PLPP3: variants seen among roughly 807,000 people sequenced by gnomAD.
The protein encoded by PLPP3 is PAP2 beta.
In PLPP3, 6 loss-of-function variants were observed where a neutral mutation model predicts 29.6. The observed-to-expected ratio is 0.20, with a 90% CI of 0.11 to 0.40. The LOEUF (loss-of-function observed/expected upper bound fraction) is 0.40, where lower values mean the gene tolerates loss of function less well. Among genes scored for constraint, PLPP3 ranks in the 10% least tolerant of loss-of-function variants. The probability of loss-of-function intolerance (pLI) is 1.00; values close to 1 mark genes in which losing one functional copy is unlikely to be tolerated. For missense variants in PLPP3, 308 were observed against 407.7 expected (o/e 0.76, Z 2.11); for synonymous variants, 152 against 159.7 (o/e 0.95, Z 0.36).
chr1:56,551,656 G>A (rs1646040551), intron 1 of PLPP3, among the ~76,000 whole-genome samples: 1 of 152,292 alleles, frequency 6.6e-6, no homozygotes, highest in East Asian at 1.9e-4. Flanking sequence ...AACGGCATAC[G>A]TGAGCTCCTA....
chr1:56,516,766 C>T (rs892555489), intron 4 of PLPP3: 4 of 140,228 alleles, frequency 2.9e-5, no homozygotes, highest in Admixed American at 7.3e-5. Context: ...ATTAAGATTT[C>T]GCTTTCCGTT....
Position 56,524,800 on chromosome 1 carries a change from ATGTGTATG to A in PLPP3, c.298-254_298-247del, listed in dbSNP as rs1291393529. 7.5e-6 allele frequency among the ~76,000 whole-genome samples: 1 copy of A among 132,454 alleles called. No homozygotes were observed. The highest frequency in any genetic ancestry group is 1.6e-5 in the Non-Finnish European group (1 of 61,312). 86.9% of individuals were successfully genotyped at this position (132,454 alleles called of 152,430 possible). On this transcript the variant is annotated intron_variant, in intron 2 of 5. Transcript: ENST00000371250. This position sits in a 1 kb window ranked among gnomAD's most constrained non-coding sequence, Gnocchi z 4.3. ...CAACCAAATATATTTATATGTATAT[ATGTGTATG>A]TGTGTGTGTGTGTGTGTGTGTGTGT...
chr1:56,557,026 A>AGAGAG (rs1646085318), intron 1 of PLPP3, among the ~76,000 whole-genome samples: 1 of 9,524 alleles, frequency 1.0e-4, no homozygotes, highest in Non-Finnish European at 2.8e-4. Context: ...GAGAGAGAGA[A>AGAGAG]AGAGAGAGAG....
At chr1:56,562,467 T>A (rs1646137246) in intron 1 of PLPP3, among the ~76,000 whole-genome samples, 1 of 151,988 alleles carries the variant, frequency 6.6e-6, no homozygotes, top group South Asian at 2.1e-4. Flanking sequence ...TAAAATGCAG[T>A]CGAAAAAGGA....
In PLPP3 at chr1:56,565,289, A is replaced by AGT. The variant is rs1557515959; in HGVS notation, c.139+13588_139+13589insAC. ...CAGCCACTAACCAGAGAAGCTCAAA[A>AGT]TCTTTCAATGTGACTTAAAGGTTAC... On this transcript the variant is annotated intron_variant, in intron 1 of 5. Transcript: ENST00000371250. Among the ~76,000 whole-genome samples the AGT allele has an allele frequency of 9.2e-3, 1,397 of 152,236 alleles. 22 individuals are homozygous for AGT. The highest frequency in any genetic ancestry group is 0.032 in the African/African-American group (1,347 of 41,508).
chr1:56,564,657 G>A (rs1646150161), intron 1 of PLPP3, among the ~76,000 whole-genome samples: 1 of 152,076 alleles, frequency 6.6e-6, no homozygotes, highest in South Asian at 2.1e-4. Flanking sequence ...TATTCCCCTC[G>A]AATTGAAAGC....
At position 56,579,213 on chromosome 1, in the gene PLPP3, C is replaced by T. The variant is rs1646260012; in HGVS notation, c.-197G>A. 3 of 596,460 alleles carry T rather than the reference C, an allele frequency of 5.0e-6. No individual in the cohort carries two copies. The allele number at this position is 596,460 out of a possible 1,614,324, so 36.9% of individuals were successfully genotyped here. Reference sequence around the variant, plus strand: ...CAGAAGGTGGTGTTTTCTGCTCCTCCTGCGCGCCTCTGCTTTCCTCTGTCA... The same window carrying T: ...CAGAAGGTGGTGTTTTCTGCTCCTCTTGCGCGCCTCTGCTTTCCTCTGTCA... On this transcript the variant is annotated 5_prime_UTR_variant, in exon 1 of 6. Coordinates refer to ENST00000371250, the MANE Select transcript of PLPP3 (RefSeq NM_003713.5).
intron 2 of PLPP3, among the ~76,000 whole-genome samples, chr1:56,527,881 C>T (rs1423874213): frequency 6.6e-6 from 1 of 152,170 alleles, no homozygotes; most frequent in African/African-American, 2.4e-5. Context: ...ACACCTAACT[C>T]TCGAGTCCCA....
intron 1 of PLPP3, among the ~76,000 whole-genome samples, chr1:56,566,616 C>A (rs899396530): frequency 1.3e-5 from 2 of 152,112 alleles, no homozygotes; most frequent in Non-Finnish European, 2.9e-5. Context: ...AATCATTTAC[C>A]CTCTCTGAGC....
chr1:56,564,096 T>G (rs1646146670), intron 1 of PLPP3, among the ~76,000 whole-genome samples: 1 of 152,232 alleles, frequency 6.6e-6, no homozygotes, highest in South Asian at 2.1e-4. Flanking sequence ...ATCTTAATTC[T>G]TGGAGGAAAG....
chr1:56,578,627 C>T (rs1421806233), intron 1 of PLPP3, among the ~76,000 whole-genome samples: 1 of 152,188 alleles, frequency 6.6e-6, no homozygotes, highest in Non-Finnish European at 1.5e-5. Flanking sequence ...TTTTACTGAG[C>T]TGGTTTAACA....
intron 1 of PLPP3, among the ~76,000 whole-genome samples, chr1:56,543,117 A>C (rs1278255643): frequency 6.6e-6 from 1 of 152,176 alleles, no homozygotes; most frequent in Non-Finnish European, 1.5e-5. Flanking sequence ...AAATGGAAAA[A>C]CTGAGGATCA....
chr1:56,529,235 A>G (rs1645871391), intron 2 of PLPP3, among the ~76,000 whole-genome samples: 1 of 152,112 alleles, frequency 6.6e-6, no homozygotes, highest in Non-Finnish European at 1.5e-5. Flanking sequence ...TGAGACAGCA[A>G]GAAGACCATC....
intron 2 of PLPP3, among the ~76,000 whole-genome samples, chr1:56,528,400 G>T (rs1645866177): frequency 6.6e-6 from 1 of 152,092 alleles, no homozygotes; most frequent in Non-Finnish European, 1.5e-5. Context: ...GAAATATGAA[G>T]AAAAATTAGG....
intron 2 of PLPP3, among the ~76,000 whole-genome samples, chr1:56,532,322 T>C (rs1031364703): frequency 1.3e-5 from 2 of 152,136 alleles, no homozygotes; most frequent in South Asian, 2.1e-4. Flanking sequence ...ATGTAGTGGA[T>C]TGTAAACTGG....
chr1:56,526,634 T>C (rs184416390), intron 2 of PLPP3, among the ~76,000 whole-genome samples: 2 of 152,302 alleles, frequency 1.3e-5, no homozygotes, highest in South Asian at 2.1e-4. Flanking sequence ...AGGAGTCAAG[T>C]AGCCGAGGTT....
chr1:56,546,025 C>T (rs1273939715), intron 1 of PLPP3, among the ~76,000 whole-genome samples: 1 of 152,184 alleles, frequency 6.6e-6, no homozygotes, highest in Non-Finnish European at 1.5e-5. Context: ...CAGCCCATGG[C>T]CAAATCTGGC....
chr1:56,540,264 T>C (rs796706403), intron 1 of PLPP3, among the ~76,000 whole-genome samples: 5 of 152,266 alleles, frequency 3.3e-5, no homozygotes, highest in African/African-American at 1.2e-4. Context: ...ACTATATATA[T>C]TAAGTTACAA....
At chr1:56,535,264 T>G (rs1336444666) in intron 2 of PLPP3, among the ~76,000 whole-genome samples, 1 of 152,206 alleles carries the variant, frequency 6.6e-6, no homozygotes, top group Non-Finnish European at 1.5e-5. Flanking sequence ...CTTTTAACCC[T>G]GTGCTAAACT....
Sources: gnomAD v4.1 joint callset for allele counts (sites outside exome capture counted in the v4.1 genomes callset) on GRCh38, gnomAD v4.1.1 for gene constraint, Gnocchi (gnomAD v3.1) non-coding constraint, MANE v1.5 for transcripts, NCBI Gene and HGNC (gene_info 2026-07-23, HGNC 2026-07-21) for gene names.